ADAMTS19: variants seen among roughly 807,000 people sequenced by gnomAD.
ADAMTS19 encodes the protein ADAM metallopeptidase with thrombospondin type 1 motif 19.
A neutral mutation model predicts 153.3 loss-of-function variants in ADAMTS19; 93 were observed. The ratio of observed to expected loss-of-function variants is 0.61; its 90% CI spans 0.51 to 0.72. The LOEUF is 0.72. Ranked by LOEUF, ADAMTS19 falls within the 30% of genes least tolerant of loss-of-function variation. ADAMTS19 has a pLI of 0.00. For synonymous variants in ADAMTS19, 600 were observed against 556.6 expected, an observed-to-expected ratio of 1.08 and a Z score of -1.10; for missense variants, 1,482 against 1,552.1, an observed-to-expected ratio of 0.95 and a Z score of 0.76.
chr5:129,596,773 G>A (rs934694950), intron 8 of ADAMTS19, 109 bp downstream of exon 8: 1 of 774,870 alleles, frequency 1.3e-6, no homozygotes, highest in African/African-American at 1.8e-5. Context: ...TCAAGTTTTT[G>A]AAAAACTAGG....
rs376626978 is a variant in ADAMTS19 at position 129,722,024 on chromosome 5, CATG to C, written c.3313-12907_3313-12905del. ...CACTGATACACATTTGGGTTGGTTC[CATG>C]TCTTTGCTATTGCGAATAGTGCTGC... is the stretch of plus-strand genomic sequence containing the variant. On this transcript the variant is annotated intron_variant, in intron 21 of 22. Transcript: ENST00000274487. 6.1e-4 allele frequency among the ~76,000 whole-genome samples: 93 copies of C among 152,240 alleles called. 1 individual carries two copies. In the South Asian group the frequency reaches 0.019, roughly 31 times the overall value.
intron 21 of ADAMTS19, among the ~76,000 whole-genome samples, chr5:129,719,485 G>A (rs1224641829): frequency 6.6e-6 from 1 of 152,108 alleles, no homozygotes; most frequent in Non-Finnish European, 1.5e-5. Context: ...CTAACATTTA[G>A]TTAATAATTT....
At chr5:129,464,949 G>A (rs1294784642) in intron 2 of ADAMTS19, among the ~76,000 whole-genome samples, 1 of 151,986 alleles carries the variant, frequency 6.6e-6, no homozygotes, top group Non-Finnish European at 1.5e-5. Flanking sequence ...TATGACTAAG[G>A]CCTTTTCCAG....
At chr5:129,615,301 A>G (rs1045478704) in intron 8 of ADAMTS19, among the ~76,000 whole-genome samples, 1 of 152,070 alleles carries the variant, frequency 6.6e-6, no homozygotes, top group Non-Finnish European at 1.5e-5. Context: ...GCTGGAATTA[A>G]CTATGAAAAT....
intron 16 of ADAMTS19, among the ~76,000 whole-genome samples, chr5:129,677,296 C>CAA (rs1754592264): frequency 6.6e-6 from 1 of 151,994 alleles, no homozygotes; most frequent in East Asian, 1.9e-4. Flanking sequence ...GCCAACATGA[C>CAA]AAAACGCTGT....
At chr5:129,719,603 T>C (rs1756890951) in intron 21 of ADAMTS19, among the ~76,000 whole-genome samples, 2 of 152,236 alleles carry the variant, frequency 1.3e-5, no homozygotes, top group Non-Finnish European at 2.9e-5. Context: ...TATAACTTAA[T>C]GGACAAATAT....
chr5:129,707,781 G>C (rs246434), intron 21 of ADAMTS19, among the ~76,000 whole-genome samples: 143,564 of 152,270 alleles, frequency 0.94, 67,789 homozygotes, highest in East Asian at 1. Flanking sequence ...TATTTTTAAA[G>C]TGTCAATACT....
intron 6 of ADAMTS19, among the ~76,000 whole-genome samples, chr5:129,536,122 G>A (rs1343593137): frequency 6.6e-6 from 1 of 152,092 alleles, no homozygotes; most frequent in Non-Finnish European, 1.5e-5. Context: ...GGAATGAACA[G>A]GCAACCTACA....
chr5:129,593,712 T>G (rs1181831270), intron 7 of ADAMTS19, among the ~76,000 whole-genome samples: 1 of 152,158 alleles, frequency 6.6e-6, no homozygotes, highest in Non-Finnish European at 1.5e-5. Flanking sequence ...CAACCTAAAT[T>G]GAATCTAAAT....
intron 10 of ADAMTS19, among the ~76,000 whole-genome samples, chr5:129,622,582 A>G (rs535284530): frequency 8.5e-5 from 13 of 152,180 alleles, no homozygotes; most frequent in Non-Finnish European, 1.6e-4. Flanking sequence ...TCTACTTTGA[A>G]AATTACATTG....
intron 8 of ADAMTS19, among the ~76,000 whole-genome samples, chr5:129,608,418 G>A (rs1213259929): frequency 6.6e-6 from 1 of 151,764 alleles, no homozygotes; most frequent in Non-Finnish European, 1.5e-5. Context: ...GAGGCCTAAT[G>A]TACAGCATGA....
chr5:129,525,955 GT>G (rs1224955025), intron 3 of ADAMTS19, among the ~76,000 whole-genome samples: 1 of 151,924 alleles, frequency 6.6e-6, no homozygotes, highest in Non-Finnish European at 1.5e-5. Flanking sequence ...GAGTTATTTT[GT>G]TTATATTGGA....
chr5:129,580,587 A>C (rs1749464903), intron 7 of ADAMTS19, among the ~76,000 whole-genome samples: 1 of 152,174 alleles, frequency 6.6e-6, no homozygotes, highest in Non-Finnish European at 1.5e-5. Context: ...AATAGCTCTT[A>C]TTAATTTCAG....
intron 6 of ADAMTS19, among the ~76,000 whole-genome samples, chr5:129,550,792 T>C (rs1753063572): frequency 6.6e-6 from 1 of 151,590 alleles, no homozygotes; most frequent in African/African-American, 2.4e-5. Flanking sequence ...TTTACATTTC[T>C]CATTTATGTA....
intron 17 of ADAMTS19, among the ~76,000 whole-genome samples, chr5:129,682,558 G>T (rs1041052248): frequency 3.3e-5 from 5 of 151,988 alleles, no homozygotes; most frequent in African/African-American, 1.2e-4. Flanking sequence ...ACAAATAGCT[G>T]GTATTTACAT....
intron 6 of ADAMTS19, among the ~76,000 whole-genome samples, chr5:129,548,823 A>G (rs1207112090): frequency 2.6e-5 from 4 of 151,988 alleles, no homozygotes; most frequent in African/African-American, 4.8e-5. Context: ...TGGCACATAT[A>G]CACCATAGAA....
In ADAMTS19 at chr5:129,521,744, C is replaced by T. The variant is rs141744876; in HGVS notation, c.914-4540C>T. Among the ~76,000 whole-genome samples, 6 of 152,210 alleles carry T rather than the reference C, an allele frequency of 3.9e-5. No individual in the cohort carries two copies. In the East Asian group the frequency reaches 1.2e-3, roughly 29 times the overall value. ...TTACATACTAGTTCTGTTCAAATTC[C>T]ATGTTTTACTACTCAGTCACATAAT... On this transcript the variant is annotated intron_variant, in intron 3 of 22. Coordinates refer to ENST00000274487, the MANE Select transcript of ADAMTS19 (RefSeq NM_133638.6).
chr5:129,710,393 T>C (rs913267633), intron 21 of ADAMTS19, among the ~76,000 whole-genome samples: 1 of 152,188 alleles, frequency 6.6e-6, no homozygotes, highest in East Asian at 1.9e-4. Context: ...TTGGGTTGAT[T>C]CCATGTCTTT....
In ADAMTS19 at chr5:129,596,681, G is replaced by T. The variant is rs747125880; in HGVS notation, c.1478+17G>T. 2.6e-6 allele frequency: 4 copies of T among 1,537,686 alleles called. No individual in the cohort carries two copies. The highest frequency in any genetic ancestry group is 3.6e-6 in the Non-Finnish European group (4 of 1,120,306). ...GGGTCACAAGTAAGTAAAAATCATG[G>T]CTATGTTAAATATGTTAGCATATAA... On this transcript the variant is annotated intron_variant, in intron 8 of 22. Coordinates refer to ENST00000274487, the MANE Select transcript of ADAMTS19 (RefSeq NM_133638.6).
Sources: gnomAD v4.1 joint callset for allele counts (sites outside exome capture counted in the v4.1 genomes callset) on GRCh38, gnomAD v4.1.1 for gene constraint, MANE v1.5 for transcripts, NCBI Gene and HGNC (gene_info 2026-07-23, HGNC 2026-07-21) for gene names.